CEP120: variants seen among roughly 807,000 people sequenced by gnomAD.
CEP120 encodes centrosomal protein of 120 kDa.
Under a neutral mutation model 126.5 loss-of-function variants are expected in CEP120, and 113 were observed. The ratio of observed to expected loss-of-function variants is 0.89; its 90% confidence interval spans 0.77 to 1.04. The LOEUF is 1.04. Ranked by LOEUF, CEP120 falls within the 50% of genes least tolerant of loss-of-function variation. The probability of loss-of-function intolerance (pLI) is 0.00; values close to 1 mark genes in which losing one functional copy is unlikely to be tolerated. For missense variants in CEP120, 1,230 were observed against 1,155.7 expected (o/e 1.06, Z -0.93); for synonymous variants, 400 against 394.3 (o/e 1.01, Z -0.17).
chr5:123,385,247 A>T, intron 10 of CEP120, 114 bp from the exon 11 acceptor site: 1 of 725,712 alleles, frequency 1.4e-6, no homozygotes, highest in Non-Finnish European at 2.2e-6. Context: ...GTTACCTGGA[A>T]TGTCGTCTAA....
intron 1 of CEP120, among the ~76,000 whole-genome samples, chr5:123,421,513 T>C (rs1774712126): frequency 6.6e-6 from 1 of 152,196 alleles, no homozygotes; most frequent in African/African-American, 2.4e-5. Context: ...ATGTCCTGGG[T>C]TGTCAGACTG....
intron 4 of CEP120, among the ~76,000 whole-genome samples, chr5:123,406,356 T>C (rs1020735220): frequency 6.7e-6 from 1 of 148,772 alleles, no homozygotes; most frequent in African/African-American, 2.5e-5. Context: ...AAACCACAGA[T>C]TCAGGAAGCT....
intron 6 of CEP120, among the ~76,000 whole-genome samples, chr5:123,391,659 G>T (rs1302831806): frequency 6.6e-6 from 1 of 151,842 alleles, no homozygotes; most frequent in African/African-American, 2.4e-5. Flanking sequence ...CAAAATTAAT[G>T]CATGAATTTA....
At chr5:123,369,687 T>C (rs1317745823) in intron 17 of CEP120, among the ~76,000 whole-genome samples, 225 of 152,144 alleles carry the variant, frequency 1.5e-3, no homozygotes, top group African/African-American at 5.3e-3. Context: ...TTAGTTACCC[T>C]CCTCAAAGAG....
intron 4 of CEP120, among the ~76,000 whole-genome samples, chr5:123,406,713 C>T (rs1383676428): frequency 6.6e-6 from 1 of 151,526 alleles, no homozygotes; most frequent in East Asian, 1.9e-4. Flanking sequence ...GACCTGTGTG[C>T]AAGAAATATT....
intron 3 of CEP120, among the ~76,000 whole-genome samples, chr5:123,414,720 A>C (rs1457397634): frequency 1.3e-5 from 2 of 151,656 alleles, no homozygotes; most frequent in Non-Finnish European, 2.9e-5. Flanking sequence ...TAATCCCAAC[A>C]CTCTGGGAGG....
rs369708951 is a variant in CEP120, at chr5:123,357,396, TA to T, written c.2580+7099del. 1.6e-3 allele frequency among the ~76,000 whole-genome samples: 236 copies of T among 152,212 alleles called. 1 individual carries two copies. Among genetic ancestry groups the T allele is most frequent in the African/African-American group, 5.4e-3 (226 of 41,568 alleles). ...TCCCCATTCTTTCTCCAATTACACATAAGATAGTCTCAAAATATACCACTTC... is the reference window on the plus strand; with the variant it reads ...TCCCCATTCTTTCTCCAATTACACATAGATAGTCTCAAAATATACCACTTC... On this transcript the variant is annotated intron_variant, in intron 18 of 19. Coordinates refer to ENST00000306467, the MANE Select transcript of CEP120 (RefSeq NM_001375405.1).
chr5:123,368,871 TAAA>T (rs1770656439), intron 17 of CEP120, among the ~76,000 whole-genome samples: 1 of 151,994 alleles, frequency 6.6e-6, no homozygotes, highest in Non-Finnish European at 1.5e-5. Flanking sequence ...ATCCAGACAC[TAAA>T]GAGATTTGTA....
In CEP120 at chr5:123,377,431, T is replaced by G. The variant is rs1482472714; in HGVS notation, c.2301A>C (p.Glu767Asp). Residue 767 changes from glutamate (E) to aspartate (D), a missense_variant, in exon 16 of 20, where the codon GAA (glutamate) becomes GAC (aspartate). Coordinates refer to ENST00000306467, the MANE Select transcript of CEP120 (RefSeq NM_001375405.1). ...GCTGTTTGATTTTTAACCTTTCTAG[T>G]TCTACTTGGTGAATACAGTCCTCTT... Reference protein sequence around the residue: ...RAKEDCIHQVELERLKIKQLE... With the variant: ...RAKEDCIHQVDLERLKIKQLE... The G allele has an allele frequency of 1.7e-5, 28 of 1,611,484 alleles. No homozygotes were observed. Among genetic ancestry groups the G allele is most frequent in the Non-Finnish European group, 2.4e-5 (28 of 1,179,204 alleles).
chr5:123,349,371 A>G (rs1561985934), intron 19 of CEP120, among the ~76,000 whole-genome samples: 1 of 152,186 alleles, frequency 6.6e-6, no homozygotes, highest in African/African-American at 2.4e-5. Context: ...GCCGGGCAAT[A>G]TAAGACATTT....
intron 4 of CEP120, among the ~76,000 whole-genome samples, chr5:123,399,499 C>G (rs1773031497): frequency 6.6e-6 from 1 of 152,126 alleles, no homozygotes; most frequent in Non-Finnish European, 1.5e-5. Context: ...TCTGGAGTAA[C>G]ATTTTTAAAA....
In CEP120 at chr5:123,381,533, AT is replaced by A. The variant is rs747140980; in HGVS notation, c.2103+577del. The stretch of plus-strand genomic sequence containing the variant: ...TATTTAATAACTTCAGTGTAAATGG[AT>A]AAATATTAAGCTTTTGCTTCAGGAA... On this transcript the variant is annotated intron_variant, in intron 14 of 19. Coordinates refer to ENST00000306467, the MANE Select transcript of CEP120 (RefSeq NM_001375405.1). Among the ~76,000 whole-genome samples, 9 of 152,252 alleles carry A rather than the reference AT, an allele frequency of 5.9e-5. No individual in the cohort carries two copies. The East Asian group carries it at 9.7e-4, about 16-fold the overall frequency.
chr5:123,401,721 C>T, intron 4 of CEP120: 7 of 1,323,450 alleles, frequency 5.3e-6, no homozygotes, highest in Non-Finnish European at 7.5e-6. Context: ...TCCAGCTCTA[C>T]CTTGTTAATG....
In CEP120 at chr5:123,399,270, C is replaced by T. The variant is rs778932435; in HGVS notation, c.478G>A (p.Ala160Thr). 6.2e-7 allele frequency: 1 copy of T among 1,614,028 alleles called. No individual in the cohort carries two copies. The highest frequency in any genetic ancestry group is 1.1e-5 in the South Asian group (1 of 91,078). Reference protein sequence around the residue: ...PRDGKVPAILAGLDPRDIVAV... With the variant: ...PRDGKVPAILTGLDPRDIVAV... The stretch of plus-strand genomic sequence containing the variant: ...ACAATGTCCCTGGGGTCAAGTCCAG[C>T]CAGGATGGCAGGTACTTTACAGAGA... Residue 160 changes from alanine (A) to threonine (T), a missense_variant, in exon 5 of 20, where the codon GCT becomes ACT. Physicochemically the swap from Ala to Thr is moderately conservative, Grantham distance 58 (BLOSUM62 0). Coordinates refer to ENST00000306467, the MANE Select transcript of CEP120 (RefSeq NM_001375405.1).
chr5:123,386,433 C>T (rs1403138191), intron 10 of CEP120, 85 bp downstream of exon 10: 5 of 995,786 alleles, frequency 5.0e-6, no homozygotes, highest in African/African-American at 3.4e-5. Flanking sequence ...GGATTTAAAC[C>T]TATAAGAATT....
At position 123,372,722 on chromosome 5, in the gene CEP120, CT is replaced by C. The variant is rs779874205; in HGVS notation, c.2408del (p.Gln803ArgfsTer18). 6.2e-7 allele frequency: 1 copy of C among 1,609,192 alleles called. No homozygotes were observed. The highest frequency in any genetic ancestry group is 1.1e-5 in the South Asian group (1 of 90,308). On this transcript the variant is annotated frameshift_variant, in exon 17 of 20. Coordinates refer to ENST00000306467, the MANE Select transcript of CEP120 (RefSeq NM_001375405.1). LOFTEE classifies it high-confidence loss of function. ...KYKILEKEFQQFKDQQNNKPE... is the reference protein window; with the variant it reads ...KYKILEKEFQXFKDQQNNKPE... ...GTTTGTTGTTTTGCTGGTCCTTGAACTGTTGGAACTCTTTTTCCAAAATCTT... is the reference window on the plus strand; with the variant it reads ...GTTTGTTGTTTTGCTGGTCCTTGAACGTTGGAACTCTTTTTCCAAAATCTT...
intron 9 of CEP120, among the ~76,000 whole-genome samples, chr5:123,388,032 T>C (rs1384304142): frequency 2.1e-5 from 1 of 47,872 alleles, no homozygotes; most frequent in African/African-American, 8.2e-5. Context: ...CAGTAATACT[T>C]TGACTAGTAT....
intron 5 of CEP120, 38 bp downstream of exon 5, chr5:123,399,098 A>C (rs1267300243): frequency 1.4e-6 from 2 of 1,463,296 alleles, no homozygotes; most frequent in Non-Finnish European, 9.2e-7. Flanking sequence ...ATAGTTTTCA[A>C]ATTATTCGTA....
chr5:123,385,795 G>A (rs963293945), intron 10 of CEP120, among the ~76,000 whole-genome samples: 1 of 151,736 alleles, frequency 6.6e-6, no homozygotes, highest in Admixed American at 6.6e-5. Flanking sequence ...GTAGAGACAG[G>A]GTTTCACCAT....
Sources: gnomAD v4.1 joint callset for allele counts (sites outside exome capture counted in the v4.1 genomes callset) on GRCh38, gnomAD v4.1.1 for gene constraint, MANE v1.5 for transcripts, NCBI Gene and HGNC (gene_info 2026-07-23, HGNC 2026-07-21) for gene names.